The following ENO2 variants were observed in gnomAD, a reference collection of about 807,000 sequenced individuals.
The protein encoded by ENO2 is enolase 2, also known as gamma-enolase.
In ENO2, 19 loss-of-function variants were observed where a neutral mutation model predicts 48.7. The ratio of observed to expected loss-of-function variants is 0.39; its 90% confidence interval spans 0.27 to 0.57. The LOEUF (loss-of-function observed/expected upper bound fraction) is 0.57, where lower values mean the gene tolerates loss of function less well. ENO2 is among the 20% of genes least tolerant of loss of function. ENO2 has a pLI of 0.58. For synonymous variants in ENO2, 198 were observed against 213.4 expected, an observed-to-expected ratio of 0.93 and a Z score of 0.63; for missense variants, 416 against 555.0, an observed-to-expected ratio of 0.75 and a Z score of 2.52.
In ENO2 at chr12:6,922,685, T is replaced by A. The variant is rs1565560395; in HGVS notation, c.1236-46T>A. ...GGGACCCCTAGAGAGAGAAGCAGGA[T>A]CCTCCTGCATCCCTGACCACTTCCT... On this transcript the variant is annotated intron_variant, in intron 11 of 11. Transcript: ENST00000229277. The surrounding 1 kb of genome is among the most constrained non-coding windows in gnomAD (Gnocchi z 5.3). The A allele has an allele frequency of 6.3e-7, 1 of 1,599,702 alleles. No homozygotes were observed. Among genetic ancestry groups the A allele is most frequent in the Admixed American group, 1.7e-5 (1 of 59,978 alleles).
rs1945292289 is a variant in ENO2, at chr12:6,916,391, C to T, written c.86-26C>T. ...CCTGGCCCCTGTGTCCTCTTCACTC[C>T]CTCTCATTCCATGTTCCTCCTTTAG... On this transcript the variant is annotated intron_variant, in intron 2 of 11. Coordinates refer to ENST00000229277, the MANE Select transcript of ENO2 (RefSeq NM_001975.3). This position sits in a 1 kb window ranked among gnomAD's most constrained non-coding sequence, Gnocchi z 4.5. The T allele has an allele frequency of 1.2e-6, 2 of 1,606,324 alleles. No individual in the cohort carries two copies. The highest frequency in any genetic ancestry group is 2.2e-5 in the East Asian group (1 of 44,762).
Position 6,916,788 on chromosome 12 carries a change from C to G in ENO2, c.240+59C>G. 6.2e-7 allele frequency: 1 copy of G among 1,601,842 alleles called. No individual in the cohort carries two copies. The highest frequency in any genetic ancestry group is 8.5e-7 in the Non-Finnish European group (1 of 1,170,670). ...CAGAGTTCTGGAAGGAATCCCGGAG[C>G]AGGGCAGGAGGAAGGGAAGAAAGAA... is the stretch of plus-strand genomic sequence containing the variant. On this transcript the variant is annotated intron_variant, in intron 4 of 11. Transcript: ENST00000229277. This position sits in a 1 kb window ranked among gnomAD's most constrained non-coding sequence, Gnocchi z 4.5.
Position 6,922,298 on chromosome 12 carries a change from G to C in ENO2, c.1177-46G>C, listed in dbSNP as rs371498113. On this transcript the variant is annotated intron_variant, in intron 10 of 11. Coordinates refer to ENST00000229277, the MANE Select transcript of ENO2 (RefSeq NM_001975.3). This position sits in a 1 kb window ranked among gnomAD's most constrained non-coding sequence, Gnocchi z 5.3. ...AGGAGAGCAGAAGTTTCCTTTCAGG[G>C]GTGAGAGGGCAGTCACTGAGCTGCA... 936 of 1,613,682 alleles carry C rather than the reference G, an allele frequency of 5.8e-4. No individual in the cohort carries two copies. Among genetic ancestry groups the C allele is most frequent in the Middle Eastern group, 1.3e-3 (8 of 6,062 alleles).
At position 6,922,829 on chromosome 12, in the gene ENO2, C is replaced by G; in HGVS notation, c.*29C>G. The G allele has an allele frequency of 1.1e-5, 18 of 1,612,154 alleles. No individual in the cohort carries two copies. The highest frequency in any genetic ancestry group is 1.4e-5 in the Non-Finnish European group (17 of 1,178,432). ...CTCTGCTTGCCTGGAGACGTGGAAC[C>G]TCTGTCTCATCCTCCTGGAACCTTG... On this transcript the variant is annotated 3_prime_UTR_variant, in exon 12 of 12. Coordinates refer to ENST00000229277, the MANE Select transcript of ENO2 (RefSeq NM_001975.3). The surrounding 1 kb of genome is among the most constrained non-coding windows in gnomAD (Gnocchi z 5.3).
At position 6,922,961 on chromosome 12, in the gene ENO2, T is replaced by G. The variant is rs1945355325; in HGVS notation, c.*161T>G. On this transcript the variant is annotated 3_prime_UTR_variant, in exon 12 of 12. Coordinates refer to ENST00000229277, the MANE Select transcript of ENO2 (RefSeq NM_001975.3). The surrounding 1 kb of genome is among the most constrained non-coding windows in gnomAD (Gnocchi z 5.3). Reference sequence around the variant, plus strand: ...CTGCTCCTTGGCTTACCTGACCTCTTGCTGTCTCTGCTCGCCCTCCTTTCT... The same window carrying G: ...CTGCTCCTTGGCTTACCTGACCTCTGGCTGTCTCTGCTCGCCCTCCTTTCT... 6.0e-6 allele frequency: 4 copies of G among 667,876 alleles called. No individual in the cohort carries two copies. The Admixed American group carries it at 7.4e-5, about 12-fold the overall frequency. The allele number at this position is 667,876 out of a possible 1,614,324, so 41.4% of individuals were successfully genotyped here.
At chr12:6,915,697 C>A in intron 1 of ENO2, 124 bp from the exon 2 acceptor site, 2 of 289,604 alleles carry the variant, frequency 6.9e-6, no homozygotes, top group East Asian at 7.7e-5. Context: ...CCTCCCTACC[C>A]ACCCCCCACC....
intron 9 of ENO2, 55 bp downstream of exon 9, chr12:6,921,837 T>C (rs1945344168): frequency 1.3e-6 from 2 of 1,598,288 alleles, no homozygotes; most frequent in Admixed American, 3.5e-5. Flanking sequence ...AGACTCCTTT[T>C]GCAAGTGCTC....
At chr12:6,919,435 C>A in intron 7 of ENO2, 131 bp from the exon 8 acceptor site, 1 of 989,502 alleles carries the variant, frequency 1.0e-6, no homozygotes, top group Non-Finnish European at 1.5e-6. Flanking sequence ...TGGGGATAAC[C>A]CCAACAGCAT....
rs782550282 is a variant in ENO2 at position 6,918,084 on chromosome 12, A to G, written c.589A>G (p.Lys197Glu). Residue 197 changes from lysine (K) to glutamate (E), a missense_variant, in exon 7 of 12, where the codon AAG (lysine) becomes GAG (glutamate). Coordinates refer to ENST00000229277, the MANE Select transcript of ENO2 (RefSeq NM_001975.3). ...CTACCATACACTCAAGGGAGTCATC[A>G]AGGACAAATACGGCAAGGATGCCAC... The part of the protein sequence containing the change: ...EVYHTLKGVI[K>E]DKYGKDATNV... 63 of 1,614,068 alleles carry G rather than the reference A, an allele frequency of 3.9e-5. No individual in the cohort carries two copies. Among genetic ancestry groups the G allele is most frequent in the Non-Finnish European group, 5.3e-5 (62 of 1,180,038 alleles).
At position 6,918,142 on chromosome 12, in the gene ENO2, A is replaced by G. The variant is rs368700097; in HGVS notation, c.647A>G (p.Asn216Ser). The change falls in exon 7 of 12, where the codon AAT becomes AGT. Residue 216 changes from asparagine to serine, a missense_variant. Coordinates refer to ENST00000229277, the MANE Select transcript of ENO2 (RefSeq NM_001975.3). The stretch of plus-strand genomic sequence containing the variant: ...GGGGATGAAGGTGGCTTTGCCCCCA[A>G]TATCCTGGAGAACAGTGAAGGTGAG... ...NVGDEGGFAPNILENSEALEL... is the reference protein window; with the variant it reads ...NVGDEGGFAPSILENSEALEL... 1.4e-5 allele frequency: 22 copies of G among 1,614,008 alleles called. No individual in the cohort carries two copies. Among genetic ancestry groups the G allele is most frequent in the African/African-American group, 4.0e-5 (3 of 74,918 alleles).
chr12:6,916,264 A>AGT lies in ENO2; in HGVS notation c.86-143_86-142dup, dbSNP rs1171326905. On this transcript the variant is annotated intron_variant, in intron 2 of 11. Coordinates refer to ENST00000229277, the MANE Select transcript of ENO2 (RefSeq NM_001975.3). This position sits in a 1 kb window ranked among gnomAD's most constrained non-coding sequence, Gnocchi z 4.5. ...AGGCCACTTCTTGTGCATCTGCCTC[A>AGT]GTGTGTGTGTGGGGTGGGGGTGGGG... 1.1e-5 allele frequency among the ~76,000 whole-genome samples: 1 copy of AGT among 92,680 alleles called. No homozygotes were observed. The highest frequency in any genetic ancestry group is 3.5e-4 in the East Asian group (1 of 2,820). The allele number at this position is 92,680 out of a possible 152,430, so 60.8% of individuals were successfully genotyped here.
At chr12:6,918,659 C>T (rs2138186076) in intron 7 of ENO2, among the ~76,000 whole-genome samples, 1 of 150,850 alleles carries the variant, frequency 6.6e-6, no homozygotes, top group East Asian at 2.0e-4. Flanking sequence ...CTTTTACCTG[C>T]CTAGCCAGAT....
At chr12:6,917,840 T>C in intron 6 of ENO2, 100 bp from the exon 7 acceptor site, 1 of 1,583,726 alleles carries the variant, frequency 6.3e-7, no homozygotes, top group Non-Finnish European at 8.6e-7. Context: ...ACGTGAGACT[T>C]AGTCCGGAAA....
In ENO2 at chr12:6,919,663, C is replaced by T; in HGVS notation, c.765C>T (p.Gly255=). 1 of 1,614,120 alleles carries T rather than the reference C, an allele frequency of 6.2e-7. No individual in the cohort carries two copies. The highest frequency in any genetic ancestry group is 8.5e-7 in the Non-Finnish European group (1 of 1,180,018). ...CTGCCTCAGAGTTTTATCGTGATGG[C>T]AAATATGACTTGGACTTCAAGTCTC... is the stretch of plus-strand genomic sequence containing the variant. ...DVAASEFYRD[G]KYDLDFKSPT... The change falls in exon 8 of 12, where the codon GGC becomes GGT. Residue 255 remains glycine, a synonymous_variant. Coordinates refer to ENST00000229277, the MANE Select transcript of ENO2 (RefSeq NM_001975.3).
intron 2 of ENO2, 60 bp downstream of exon 2, chr12:6,915,977 C>T (rs1945287184): frequency 6.3e-7 from 1 of 1,592,236 alleles, no homozygotes; most frequent in African/African-American, 1.3e-5. Context: ...AGGCTGGGTT[C>T]GGCCAGGGGT....
chr12:6,921,907 T>G, intron 9 of ENO2, 125 bp downstream of exon 9: 1 of 1,487,088 alleles, frequency 6.7e-7, no homozygotes, highest in Non-Finnish European at 9.2e-7. Context: ...ATCCTCACAG[T>G]TCTCTCACCT....
chr12:6,919,898 T>G, intron 8 of ENO2, 135 bp downstream of exon 8: 1 of 882,992 alleles, frequency 1.1e-6, no homozygotes, highest in Non-Finnish European at 1.7e-6. Context: ...AGGGAGAGGG[T>G]GCAGGAGCCA....
chr12:6,917,741 T>A, intron 6 of ENO2, 27 bp downstream of exon 6: 4 of 1,429,088 alleles, frequency 2.8e-6, no homozygotes, highest in Non-Finnish European at 3.9e-6. Context: ...CCTGCGGCTC[T>A]CCCAGGGGCG....
chr12:6,920,634 A>G (rs1591653439), intron 8 of ENO2, among the ~76,000 whole-genome samples: 1 of 151,558 alleles, frequency 6.6e-6, no homozygotes, highest in African/African-American at 2.4e-5. Flanking sequence ...TCCTGACCTC[A>G]GGTAATCTAT....
Sources: gnomAD v4.1 joint callset for allele counts (sites outside exome capture counted in the v4.1 genomes callset) on GRCh38, gnomAD v4.1.1 for gene constraint, Gnocchi (gnomAD v3.1) non-coding constraint, MANE v1.5 for transcripts, NCBI Gene and HGNC (gene_info 2026-07-23, HGNC 2026-07-21) for gene names.